Variants in CNOT6 observed in about 807,000 individuals in gnomAD.
CNOT6 encodes carbon catabolite repression 4 protein.
Under a neutral mutation model 61.2 loss-of-function variants are expected in CNOT6, and 12 were observed. The ratio of observed to expected loss-of-function variants is 0.20; its 90% CI spans 0.13 to 0.32. CNOT6 has a LOEUF of 0.32. Among genes scored for constraint, CNOT6 ranks in the 10% least tolerant of loss-of-function variants. The probability of loss-of-function intolerance (pLI) is 1.00; values close to 1 mark genes in which losing one functional copy is unlikely to be tolerated. For missense variants in CNOT6, 405 were observed against 663.9 expected (o/e 0.61, Z 4.28); for synonymous variants, 225 against 240.6 (o/e 0.94, Z 0.60).
rs1260106634 is a variant in CNOT6 at position 180,550,042 on chromosome 5, A to G, written c.224A>G (p.Asn75Ser). 3.1e-6 allele frequency: 5 copies of G among 1,614,096 alleles called. No individual in the cohort carries two copies. Among genetic ancestry groups the G allele is most frequent in the East Asian group, 2.2e-5 (1 of 44,884 alleles). Residue 75 changes from asparagine to serine, a missense_variant, in exon 3 of 12, where the codon AAT (asparagine) becomes AGT (serine). Physicochemically the swap from Asn to Ser is conservative, Grantham distance 46 (BLOSUM62 1). Transcript: ENST00000261951. ...CCTTCAGACATTGCCAAGCTTCACA[A>G]TCTGGTGTATTTGGACCTGTCATCT... ...RIPSDIAKLH[N>S]LVYLDLSSNK...
At chr5:180,567,660 CAAT>C (rs1760531812) in intron 8 of CNOT6, among the ~76,000 whole-genome samples, 186 bp from the exon 9 acceptor site, 1 of 152,142 alleles carries the variant, frequency 6.6e-6, no homozygotes, top group African/African-American at 2.4e-5. Context: ...TTATTTGTAT[CAAT>C]AACAGACTGA....
At chr5:180,563,939 T>TC (rs1561663397) in intron 4 of CNOT6, among the ~76,000 whole-genome samples, 1 of 152,118 alleles carries the variant, frequency 6.6e-6, no homozygotes, top group African/African-American at 2.4e-5. Flanking sequence ...TGGGATTTTT[T>TC]CCCCCTCCTT....
intron 1 of CNOT6, among the ~76,000 whole-genome samples, chr5:180,523,964 TC>T (rs1757979220): frequency 6.6e-6 from 1 of 152,246 alleles, no homozygotes; most frequent in Non-Finnish European, 1.5e-5. Flanking sequence ...AGCATGTCTT[TC>T]TAATAAATAC....
In CNOT6 at chr5:180,530,442, C is replaced by T. The variant is rs1413107207; in HGVS notation, c.112+1054C>T. Among the ~76,000 whole-genome samples the T allele has an allele frequency of 4.6e-5, 7 of 152,210 alleles. No individual in the cohort carries two copies. The South Asian group carries it at 1.0e-3, about 23-fold the overall frequency. Reference sequence around the variant, plus strand: ...AAAGGAAATAAGGATAATAGCATTCCTCCTTTGTCAGCTCAAAATTTCTGG... The same window carrying T: ...AAAGGAAATAAGGATAATAGCATTCTTCCTTTGTCAGCTCAAAATTTCTGG... On this transcript the variant is annotated intron_variant, in intron 2 of 11. Coordinates refer to ENST00000261951, the MANE Select transcript of CNOT6 (RefSeq NM_001370472.1).
intron 9 of CNOT6, 35 bp downstream of exon 9, chr5:180,568,038 C>T (rs1760551473): frequency 6.4e-7 from 1 of 1,559,662 alleles, no homozygotes; most frequent in East Asian, 2.3e-5. Context: ...AATTGACCAG[C>T]TCTGACTAGA....
rs1221592826 is a variant in CNOT6, at chr5:180,494,559, C to G, written c.-207C>G. ...AGGGCGGGAGGGCGTAGTGGCGGCC[C>G]GTCGGGGCGGCTGAGGCGGGCAGCC... On this transcript the variant is annotated 5_prime_UTR_variant, in exon 1 of 12. Transcript: ENST00000261951. The G allele has an allele frequency of 6.6e-6, 1 of 151,172 alleles. No homozygotes were observed. The highest frequency in any genetic ancestry group is 2.5e-5 in the African/African-American group (1 of 40,588). The allele number at this position is 151,172 out of a possible 1,614,324, so 9.4% of individuals were successfully genotyped here.
intron 1 of CNOT6, among the ~76,000 whole-genome samples, chr5:180,504,497 A>G (rs1295358821): frequency 7.2e-6 from 1 of 138,702 alleles, no homozygotes; most frequent in African/African-American, 2.5e-5. Context: ...GGTTCATTCC[A>G]AGAGCGGGGG....
chr5:180,571,474 C>T lies in CNOT6; in HGVS notation c.1461+42C>T, dbSNP rs370436366. The T allele has an allele frequency of 2.0e-5, 28 of 1,412,824 alleles. No homozygotes were observed. In the African/African-American group the frequency reaches 3.4e-4, roughly 17 times the overall value. The allele number at this position is 1,412,824 out of a possible 1,614,324, so 87.5% of individuals were successfully genotyped here. On this transcript the variant is annotated intron_variant, in intron 11 of 11. Transcript: ENST00000261951. ...ATAAGCTTTTCAAACCTGTCTTTTA[C>T]TGGCAGGTGTTCTGATACATCATTA...
intron 2 of CNOT6, among the ~76,000 whole-genome samples, chr5:180,533,592 TC>T (rs1758513296): frequency 6.6e-6 from 1 of 151,924 alleles, no homozygotes; most frequent in Admixed American, 6.6e-5. Flanking sequence ...TTAAAAATTT[TC>T]CTTAGAGATA....
chr5:180,559,557 C>A (rs994489090), intron 4 of CNOT6, among the ~76,000 whole-genome samples: 23 of 152,186 alleles, frequency 1.5e-4, no homozygotes, highest in African/African-American at 5.5e-4. Context: ...TTCTACCAGT[C>A]TTTTAATTGG....
rs906781996 is a variant in CNOT6, at chr5:180,533,732, C to G, written c.112+4344C>G. Among the ~76,000 whole-genome samples the G allele has an allele frequency of 2.6e-5, 4 of 152,278 alleles. No homozygotes were observed. The East Asian group carries it at 7.7e-4, about 29-fold the overall frequency. ...ACTTAGCCCAGATTGGCTTCTTTAA[C>G]TTATTTATTTCATTTTTATAGATTT... On this transcript the variant is annotated intron_variant, in intron 2 of 11. Transcript: ENST00000261951.
chr5:180,540,464 A>C (rs1168458749), intron 2 of CNOT6, among the ~76,000 whole-genome samples: 1 of 152,184 alleles, frequency 6.6e-6, no homozygotes, highest in African/African-American at 2.4e-5. Context: ...TCATGCATTC[A>C]GTAGAGACCG....
At chr5:180,528,561 C>T (rs934916121) in intron 1 of CNOT6, among the ~76,000 whole-genome samples, 2 of 152,106 alleles carry the variant, frequency 1.3e-5, no homozygotes, top group Non-Finnish European at 2.9e-5. Context: ...GTGATTCACC[C>T]GCCTCGGCCT....
At chr5:180,572,113 A>G (rs552936387) in intron 11 of CNOT6, among the ~76,000 whole-genome samples, 2 of 152,230 alleles carry the variant, frequency 1.3e-5, no homozygotes, top group South Asian at 4.1e-4. Flanking sequence ...CTTCTCTTAC[A>G]TTTTAATTTA....
At chr5:180,498,537 A>T (rs1256835538) in intron 1 of CNOT6, among the ~76,000 whole-genome samples, 1 of 152,142 alleles carries the variant, frequency 6.6e-6, no homozygotes, top group Non-Finnish European at 1.5e-5. Flanking sequence ...GTGTTAGGGT[A>T]AGGCTAGTGA....
At chr5:180,551,323 C>T (rs1251353435) in intron 3 of CNOT6, among the ~76,000 whole-genome samples, 1 of 152,198 alleles carries the variant, frequency 6.6e-6, no homozygotes, top group Non-Finnish European at 1.5e-5. Context: ...TGCCACTGCA[C>T]TCCAGCCTGG....
intron 2 of CNOT6, among the ~76,000 whole-genome samples, chr5:180,539,294 A>G (rs1392214042): frequency 8.6e-6 from 1 of 116,268 alleles, no homozygotes; most frequent in Non-Finnish European, 2.1e-5. Context: ...AAACAAACAA[A>G]CAAAAAAAAA....
chr5:180,513,902 A>G (rs1161657181), intron 1 of CNOT6, among the ~76,000 whole-genome samples: 1 of 147,390 alleles, frequency 6.8e-6, no homozygotes, highest in African/African-American at 2.5e-5. Flanking sequence ...ACGGGGTTTC[A>G]CCGTGTTAGC....
At chr5:180,515,870 AG>A (rs1757611783) in intron 1 of CNOT6, among the ~76,000 whole-genome samples, 1 of 152,208 alleles carries the variant, frequency 6.6e-6, no homozygotes, top group Non-Finnish European at 1.5e-5. Context: ...TGAAAAGCAT[AG>A]TAAAAGGAGA....
Sources: gnomAD v4.1 joint callset for allele counts (sites outside exome capture counted in the v4.1 genomes callset) on GRCh38, gnomAD v4.1.1 for gene constraint, MANE v1.5 for transcripts, NCBI Gene and HGNC (gene_info 2026-07-23, HGNC 2026-07-21) for gene names.